Variants in PLBD1 observed in about 807,000 individuals in gnomAD.
The protein encoded by PLBD1 is phospholipase B domain containing 1.
PLBD1 carries 60 observed loss-of-function variants against 63.0 expected under a neutral mutation model. That is an observed-to-expected ratio of 0.95 (90% CI 0.77 to 1.18). The LOEUF is 1.18. Among genes scored for constraint, PLBD1 ranks in the 50% most tolerant of loss-of-function variants. The pLI, the probability that PLBD1 is intolerant of heterozygous loss-of-function variation, is 0.00. For synonymous variants in PLBD1, 262 were observed against 248.0 expected, an observed-to-expected ratio of 1.06 and a Z score of -0.53; for missense variants, 598 against 677.9, an observed-to-expected ratio of 0.88 and a Z score of 1.31.
chr12:14,523,639 T>C (rs1024540144), intron 6 of PLBD1, among the ~76,000 whole-genome samples: 5 of 152,100 alleles, frequency 3.3e-5, no homozygotes, highest in Non-Finnish European at 7.4e-5. Flanking sequence ...ACATATATAC[T>C]AATAAGACAG....
intron 3 of PLBD1, 57 bp from the exon 4 acceptor site, chr12:14,540,959 A>C (rs1185874295): frequency 6.7e-6 from 10 of 1,488,312 alleles, no homozygotes; most frequent in African/African-American, 1.4e-5. Context: ...TCAAAGCTAA[A>C]TCAAAGCAGG....
chr12:14,534,654 T>C (rs147223626), intron 6 of PLBD1, among the ~76,000 whole-genome samples: 38,125 of 151,216 alleles, frequency 0.25, 5,470 homozygotes, highest in Admixed American at 0.33. Flanking sequence ...CGCCATTCTC[T>C]CGCCTCAGCC....
intron 6 of PLBD1, among the ~76,000 whole-genome samples, chr12:14,521,279 G>A (rs1312918965): frequency 2.0e-5 from 3 of 152,092 alleles, no homozygotes; most frequent in Non-Finnish European, 2.9e-5. Context: ...AGGAACAGAT[G>A]ATCCTACCCA....
chr12:14,544,873 C>T (rs1212082196), intron 2 of PLBD1, among the ~76,000 whole-genome samples: 1 of 152,146 alleles, frequency 6.6e-6, no homozygotes, highest in Non-Finnish European at 1.5e-5. Flanking sequence ...GCACCCTATG[C>T]AAATTTAAAG....
chr12:14,520,075 C>T (rs1234132361), intron 6 of PLBD1, among the ~76,000 whole-genome samples: 1 of 152,164 alleles, frequency 6.6e-6, no homozygotes, highest in Non-Finnish European at 1.5e-5. Flanking sequence ...AGGGTAAAAA[C>T]AGAAAGAAAT....
intron 2 of PLBD1, among the ~76,000 whole-genome samples, chr12:14,550,710 C>A (rs1414565093): frequency 6.6e-6 from 1 of 152,034 alleles, no homozygotes; most frequent in Admixed American, 6.5e-5. Flanking sequence ...GAAACCCCGT[C>A]TCTACTAAAA....
chr12:14,533,892 C>A (rs1336498661), intron 6 of PLBD1, among the ~76,000 whole-genome samples: 1 of 152,174 alleles, frequency 6.6e-6, no homozygotes, highest in Non-Finnish European at 1.5e-5. Flanking sequence ...CACCTTAATC[C>A]CAGCACTTTG....
chr12:14,550,117 C>T (rs1378922763), intron 2 of PLBD1, among the ~76,000 whole-genome samples: 1 of 152,250 alleles, frequency 6.6e-6, no homozygotes, highest in Non-Finnish European at 1.5e-5. Flanking sequence ...AAGCCTACAA[C>T]TCACTTCTTC....
At chr12:14,507,357 A>G (rs1306314111) in intron 8 of PLBD1, among the ~76,000 whole-genome samples, 1 of 152,250 alleles carries the variant, frequency 6.6e-6, no homozygotes. Flanking sequence ...GAAGAGCATC[A>G]GAATTCTCTG....
rs771708230 is a variant in PLBD1, at chr12:14,511,516, T to C, written c.1040A>G (p.Asn347Ser). The change falls in exon 7 of 11, where the codon AAC (asparagine) becomes AGC (serine). Residue 347 changes from asparagine to serine, a missense_variant. Physicochemically the swap from Asn to Ser is conservative, Grantham distance 46. Transcript: ENST00000240617. ...TATTCTGCAGGGTCACTTACCAGAGTTGTATTTTGAAAAGATGTCTGCCCA... is the reference window on the plus strand; with the variant it reads ...TATTCTGCAGGGTCACTTACCAGAGCTGTATTTTGAAAAGATGTCTGCCCA... ...KRWADIFSKY[N>S]SGTYNNQYMV... The C allele has an allele frequency of 6.2e-7, 1 of 1,614,148 alleles. No homozygotes were observed. Among genetic ancestry groups the C allele is most frequent in the South Asian group, 1.1e-5 (1 of 91,078 alleles).
At chr12:14,551,983 T>TA (rs1209388923) in intron 2 of PLBD1, among the ~76,000 whole-genome samples, 1 of 152,064 alleles carries the variant, frequency 6.6e-6, no homozygotes, top group Non-Finnish European at 1.5e-5. Flanking sequence ...TATGGTAGGG[T>TA]AAAAAAATTG....
chr12:14,566,304 A>C (rs1945780716), intron 1 of PLBD1, among the ~76,000 whole-genome samples: 1 of 152,158 alleles, frequency 6.6e-6, no homozygotes, highest in Non-Finnish European at 1.5e-5. Flanking sequence ...GGAAAGATTT[A>C]AGATTGAAGA....
At chr12:14,547,182 G>T (rs1396837574) in intron 2 of PLBD1, among the ~76,000 whole-genome samples, 1 of 64,228 alleles carries the variant, frequency 1.6e-5, no homozygotes, top group African/African-American at 6.6e-5. Context: ...ACCTGGCTTT[G>T]TGTGTGTGTG....
chr12:14,565,035 T>C (rs1274302350), intron 1 of PLBD1, among the ~76,000 whole-genome samples: 1 of 152,202 alleles, frequency 6.6e-6, no homozygotes, highest in Non-Finnish European at 1.5e-5. Flanking sequence ...GCTTTTGGTC[T>C]GGAAAGATAA....
rs1403194999 is a variant in PLBD1 at position 14,541,034 on chromosome 12, T to C, written c.420-132A>G. ...ATTTAAATTCTAGATCTTGTAACAC[T>C]CCAGTCACTCAAAGGACTTCAGGGC... On this transcript the variant is annotated intron_variant, in intron 3 of 10. Coordinates refer to ENST00000240617, the MANE Select transcript of PLBD1 (RefSeq NM_024829.6). 8 of 1,003,096 alleles carry C rather than the reference T, an allele frequency of 8.0e-6. No homozygotes were observed. In the East Asian group the frequency reaches 2.0e-4, roughly 25 times the overall value. 62.1% of individuals were successfully genotyped at this position (1,003,096 alleles called of 1,614,324 possible).
intron 2 of PLBD1, among the ~76,000 whole-genome samples, chr12:14,544,915 GAGT>G (rs538296111): frequency 1.9e-4 from 29 of 152,078 alleles, no homozygotes; most frequent in South Asian, 1.7e-3. Context: ...AATTAATCTG[GAGT>G]ATATTCATAT....
At chr12:14,560,279 T>C (rs1195253348) in intron 1 of PLBD1, among the ~76,000 whole-genome samples, 1 of 152,224 alleles carries the variant, frequency 6.6e-6, no homozygotes, top group Non-Finnish European at 1.5e-5. Flanking sequence ...ATATTTGGAT[T>C]CTATAATAAT....
At chr12:14,538,894 C>T (rs1267533894) in intron 4 of PLBD1, among the ~76,000 whole-genome samples, 8 of 152,022 alleles carry the variant, frequency 5.3e-5, no homozygotes, top group Middle Eastern at 6.8e-3. Flanking sequence ...GGCATGGTGG[C>T]GCATGCTTGT....
chr12:14,518,031 A>C (rs1320655976), intron 6 of PLBD1, among the ~76,000 whole-genome samples: 1 of 152,088 alleles, frequency 6.6e-6, no homozygotes, highest in African/African-American at 2.4e-5. Flanking sequence ...AAATACAAAA[A>C]TTAGCCGGGC....
Sources: allele counts gnomAD v4.1 joint callset (sites outside exome capture counted in the v4.1 genomes callset), GRCh38; gene constraint gnomAD v4.1.1; transcripts MANE v1.5; gene names NCBI Gene and HGNC (gene_info 2026-07-23, HGNC 2026-07-21).